OAS3: variants seen among roughly 807,000 people sequenced by gnomAD.
OAS3 encodes the protein 2'-5'-oligoadenylate synthetase 3, also known as 2'-5'-oligoadenylate synthase 3.
Under a neutral mutation model 113.0 loss-of-function variants are expected in OAS3, and 107 were observed. The observed-to-expected ratio is 0.95, with a 90% CI of 0.81 to 1.11. The LOEUF (loss-of-function observed/expected upper bound fraction) is 1.11, where lower values mean the gene tolerates loss of function less well. Ranked by LOEUF, OAS3 falls within the 50% of genes most tolerant of loss-of-function variation. The probability of loss-of-function intolerance (pLI) is 0.00; values close to 1 mark genes in which losing one functional copy is unlikely to be tolerated. For missense variants in OAS3, 1,258 were observed against 1,389.1 expected (o/e 0.91, Z 1.50); for synonymous variants, 552 against 573.6 (o/e 0.96, Z 0.54).
intron 7 of OAS3, among the ~76,000 whole-genome samples, chr12:112,953,184 G>A (rs1000404485): frequency 2.7e-5 from 4 of 146,112 alleles, no homozygotes; most frequent in African/African-American, 1.1e-4. Flanking sequence ...TCCCCACCCC[G>A]TGTCCAAGTG....
At position 112,941,567 on chromosome 12, in the gene OAS3, C is replaced by T. The variant is rs754913576; in HGVS notation, c.178-3C>T. On this transcript the variant is annotated splice_region_variant and splice_polypyrimidine_tract_variant and intron_variant, in intron 1 of 15. Transcript: ENST00000228928. ...AAATTCTGAGTTATTTTTCTTTGCC[C>T]AGGGAGGCTCCTCGGGCCGGGGCAC... The T allele has an allele frequency of 1.2e-5, 20 of 1,610,196 alleles. No individual in the cohort carries two copies. In the South Asian group the frequency reaches 2.2e-4, roughly 18 times the overall value.
At position 112,950,985 on chromosome 12, in the gene OAS3, C is replaced by T. The variant is rs2136350255; in HGVS notation, c.1657+10C>T. 6.2e-7 allele frequency: 1 copy of T among 1,609,786 alleles called. No individual in the cohort carries two copies. Among genetic ancestry groups the T allele is most frequent in the East Asian group, 2.2e-5 (1 of 44,832 alleles). ...GCCTTCGATGCTGTGGGTGAGGGCG[C>T]CCAGCCTGTCCCTTGGAGAGTGATA... On this transcript the variant is annotated intron_variant, in intron 7 of 15. Coordinates refer to ENST00000228928, the MANE Select transcript of OAS3 (RefSeq NM_006187.4).
rs1478238488 is a variant in OAS3 at position 112,949,107 on chromosome 12, C to T, written c.1276C>T (p.Pro426Ser). The stretch of plus-strand genomic sequence containing the variant: ...CCGCTTCATCCAGGACCACCTGAAG[C>T]CGAGCCCCCAGTTCCAGGAGCAGGT... ...LDRFIQDHLK[P>S]SPQFQEQVKK... Residue 426 changes from proline (P) to serine (S), a missense_variant, in exon 6 of 16, where the codon CCG becomes TCG. Pro to Ser is a moderately conservative substitution (Grantham distance 74, BLOSUM62 -1). Transcript: ENST00000228928. 6.2e-7 allele frequency: 1 copy of T among 1,613,998 alleles called. No homozygotes were observed. Among genetic ancestry groups the T allele is most frequent in the African/African-American group, 1.3e-5 (1 of 75,046 alleles).
intron 7 of OAS3, among the ~76,000 whole-genome samples, chr12:112,955,537 T>G (rs907658591): frequency 1.3e-5 from 2 of 152,230 alleles, no homozygotes; most frequent in African/African-American, 4.8e-5. Context: ...GAAGGGCTGT[T>G]GAATTTTCTC....
rs2043967709 is a variant in OAS3, at chr12:112,969,747, C to G, written c.3244C>G (p.Pro1082Ala). The G allele has an allele frequency of 6.2e-7, 1 of 1,612,708 alleles. No homozygotes were observed. Among genetic ancestry groups the G allele is most frequent in the Non-Finnish European group, 8.5e-7 (1 of 1,179,420 alleles). ...GAATGGCATCCCCATCCAGCCATGG[C>G]CAGTGAAGGTGAGAGATCTGTGGTG... ...GRNGIPIQPW[P>A]VKAAV The change falls in exon 15 of 16, where the codon CCA (proline) becomes GCA (alanine). Residue 1082 changes from proline (P) to alanine (A), a missense_variant. Pro to Ala is a conservative substitution (Grantham distance 27). Coordinates refer to ENST00000228928, the MANE Select transcript of OAS3 (RefSeq NM_006187.4).
chr12:112,947,653 C>G (rs879901065), intron 4 of OAS3, among the ~76,000 whole-genome samples: 1 of 152,166 alleles, frequency 6.6e-6, no homozygotes, highest in Non-Finnish European at 1.5e-5. Context: ...ATATGCATAT[C>G]TGTTGGAAAT....
chr12:112,948,896 C>T lies in OAS3; in HGVS notation c.1065C>T (p.His355=). ...LPRAGCSGLG[H]PIQLDPNQKT... ...GTGCTGGATGCTCAGGTTTGGGCCACCCCATCCAGCTAGACCCTAACCAGA... is the reference window on the plus strand; with the variant it reads ...GTGCTGGATGCTCAGGTTTGGGCCATCCCATCCAGCTAGACCCTAACCAGA... The change falls in exon 6 of 16, where the codon CAC becomes CAT. Residue 355 remains histidine (H), a synonymous_variant. Coordinates refer to ENST00000228928, the MANE Select transcript of OAS3 (RefSeq NM_006187.4). The T allele has an allele frequency of 1.9e-6, 3 of 1,597,788 alleles. No individual in the cohort carries two copies. The highest frequency in any genetic ancestry group is 2.3e-5 in the East Asian group (1 of 43,972).
chr12:112,969,967 T>C lies in OAS3; in HGVS notation c.3258T>C (p.Ala1086=), dbSNP rs1320821704. Residue 1086 remains alanine, a synonymous_variant, in exon 16 of 16, where the codon GCT becomes GCC. Transcript: ENST00000228928. The part of the protein sequence containing the change: ...IPIQPWPVKA[A]V Reference sequence around the variant, plus strand: ...CTCTTATAATACTTCCCCAGGCTGCTGTGTGAAGTTGAGAAAATCAGCGGT... The same window carrying C: ...CTCTTATAATACTTCCCCAGGCTGCCGTGTGAAGTTGAGAAAATCAGCGGT... The C allele has an allele frequency of 1.2e-6, 2 of 1,608,062 alleles. No individual in the cohort carries two copies. Among genetic ancestry groups the C allele is most frequent in the Middle Eastern group, 1.7e-4 (1 of 6,058 alleles).
rs1380271233 is a variant in OAS3, at chr12:112,971,817, A to G, written c.*1844A>G. On this transcript the variant is annotated 3_prime_UTR_variant, in exon 16 of 16. Transcript: ENST00000228928. ...ACTAGAGTAGGTGAAGGGACAGAGGACAGGGCTTCTAATACCTGTGCCATA... is the reference window on the plus strand; with the variant it reads ...ACTAGAGTAGGTGAAGGGACAGAGGGCAGGGCTTCTAATACCTGTGCCATA... The G allele has an allele frequency of 6.6e-6, 1 of 152,254 alleles. No homozygotes were observed. Among genetic ancestry groups the G allele is most frequent in the Non-Finnish European group, 1.5e-5 (1 of 68,064 alleles). 9.4% of individuals were successfully genotyped at this position (152,254 alleles called of 1,614,324 possible).
At chr12:112,939,291 T>C (rs987066170) in intron 1 of OAS3, among the ~76,000 whole-genome samples, 1 of 142,858 alleles carries the variant, frequency 7.0e-6, no homozygotes, top group Non-Finnish European at 1.5e-5. Context: ...GCTAAATTAC[T>C]ACTCTGAGTC....
intron 14 of OAS3, 106 bp downstream of exon 14, chr12:112,968,280 G>T (rs1476681896): frequency 1.2e-5 from 17 of 1,380,082 alleles, no homozygotes; most frequent in Non-Finnish European, 1.6e-5. Context: ...TCCTAGAACG[G>T]ATTCCTTCCT....
At chr12:112,969,140 T>A (rs757405) in intron 14 of OAS3, among the ~76,000 whole-genome samples, 118,853 of 152,128 alleles carry the variant, frequency 0.78, 47,493 homozygotes, top group African/African-American at 0.94. Flanking sequence ...CACCAAAAAA[T>A]ATGCTCAAGG....
chr12:112,967,209 G>T (rs553665562), intron 12 of OAS3, among the ~76,000 whole-genome samples: 31 of 152,336 alleles, frequency 2.0e-4, no homozygotes, highest in African/African-American at 7.0e-4. Flanking sequence ...AAAGGGAGCA[G>T]AAAAGGGAGG....
intron 2 of OAS3, among the ~76,000 whole-genome samples, chr12:112,943,603 G>C (rs1026720351): frequency 4.6e-5 from 7 of 152,290 alleles, no homozygotes; most frequent in Admixed American, 1.3e-4. Context: ...ATTTCTCTGT[G>C]CCTCAGCTTC....
At chr12:112,951,540 G>A (rs921932035) in intron 7 of OAS3, among the ~76,000 whole-genome samples, 1 of 152,012 alleles carries the variant, frequency 6.6e-6, no homozygotes, top group African/African-American at 2.4e-5. Context: ...TTTCATCCAT[G>A]AATATTTGGA....
In OAS3 at chr12:112,964,239, C is replaced by A. The variant is rs1456210489; in HGVS notation, c.2234C>A (p.Ala745Asp). 1 of 1,586,894 alleles carries A rather than the reference C, an allele frequency of 6.3e-7. No homozygotes were observed. Among genetic ancestry groups the A allele is most frequent in the Non-Finnish European group, 8.6e-7 (1 of 1,166,090 alleles). ...CCACCTGGATTCTCTCTGCAGCCAGCCCTCCTTTACCAAACCCCAGCTGGG... is the reference window on the plus strand; with the variant it reads ...CCACCTGGATTCTCTCTGCAGCCAGACCTCCTTTACCAAACCCCAGCTGGG... ...TSVQPWDVMP[A>D]LLYQTPAGDL... Residue 745 changes from alanine to aspartate, a missense_variant, in exon 11 of 16, where the codon GCC becomes GAC. Coordinates refer to ENST00000228928, the MANE Select transcript of OAS3 (RefSeq NM_006187.4).
In OAS3 at chr12:112,944,710, GT is replaced by G. The variant is rs748106935; in HGVS notation, c.636+60del. 4.2e-5 allele frequency: 66 copies of G among 1,569,114 alleles called. No homozygotes were observed. In the African/African-American group the frequency reaches 8.6e-4, roughly 20 times the overall value. Reference sequence around the variant, plus strand: ...TGACTGTTTGCTTTGTGCTTTCATAGTCGTGAAACTGTTGTCTTACATTTAG... The same window carrying G: ...TGACTGTTTGCTTTGTGCTTTCATAGCGTGAAACTGTTGTCTTACATTTAG... On this transcript the variant is annotated intron_variant, in intron 3 of 15. Transcript: ENST00000228928.
At chr12:112,953,558 A>G (rs10850105) in intron 7 of OAS3, among the ~76,000 whole-genome samples, 107,957 of 151,802 alleles carry the variant, frequency 0.71, 38,679 homozygotes, top group East Asian at 0.91. Flanking sequence ...TTGAGGAATC[A>G]CCACACTGTC....
At chr12:112,966,587 C>T (rs1392130816) in intron 12 of OAS3, among the ~76,000 whole-genome samples, 2 of 152,180 alleles carry the variant, frequency 1.3e-5, no homozygotes, top group South Asian at 2.1e-4. Context: ...TCCCTTGTAT[C>T]CGAATTTATT....
Sources: gnomAD v4.1 joint callset for allele counts (sites outside exome capture counted in the v4.1 genomes callset) on GRCh38, gnomAD v4.1.1 for gene constraint, MANE v1.5 for transcripts, NCBI Gene and HGNC (gene_info 2026-07-23, HGNC 2026-07-21) for gene names.